Variants in PRKN observed in about 807,000 individuals in gnomAD.
PRKN encodes E3 ubiquitin-protein ligase parkin.
PRKN carries 56 observed loss-of-function variants against 59.5 expected under a neutral mutation model. That is an observed-to-expected ratio of 0.94 (90% CI 0.76 to 1.18). The LOEUF is 1.18. PRKN is among the 50% of genes most tolerant of loss of function. The pLI is 0.00. For missense variants in PRKN, 657 were observed against 596.4 expected (o/e 1.10, Z -1.06); for synonymous variants, 250 against 222.1 (o/e 1.13, Z -1.12).
intron 1 of PRKN, among the ~76,000 whole-genome samples, chr6:162,551,038 C>G (rs1256547037): frequency 6.6e-6 from 1 of 152,148 alleles, no homozygotes; most frequent in Non-Finnish European, 1.5e-5. Context: ...TATGTAATTT[C>G]AAGACCCTTC....
At chr6:162,651,653 A>G (rs1038577484) in intron 1 of PRKN, among the ~76,000 whole-genome samples, 3 of 152,168 alleles carry the variant, frequency 2.0e-5, no homozygotes, top group Non-Finnish European at 2.9e-5. Flanking sequence ...GCTCACACTG[A>G]CAAGATCCTC....
chr6:162,198,463 A>AAT (rs1583185954), intron 4 of PRKN, among the ~76,000 whole-genome samples: 1 of 151,580 alleles, frequency 6.6e-6, no homozygotes, highest in African/African-American at 2.4e-5. Context: ...AGTATATATA[A>AAT]ATATATATAC....
At chr6:162,179,501 C>T (rs1469518769) in intron 4 of PRKN, among the ~76,000 whole-genome samples, 1 of 152,132 alleles carries the variant, frequency 6.6e-6, no homozygotes, top group Admixed American at 6.5e-5. Flanking sequence ...TGGGGCCTTC[C>T]CCTTCAGCCT....
At chr6:162,384,417 G>A (rs924501084) in intron 2 of PRKN, among the ~76,000 whole-genome samples, 3 of 152,122 alleles carry the variant, frequency 2.0e-5, no homozygotes, top group African/African-American at 4.8e-5. Flanking sequence ...CAGTGGAGCA[G>A]TCAGAAGACA....
chr6:162,602,287 T>C (rs553388660), intron 1 of PRKN, among the ~76,000 whole-genome samples: 23 of 152,220 alleles, frequency 1.5e-4, no homozygotes, highest in South Asian at 8.3e-4. Context: ...GGTTGTGGGA[T>C]GGACAAGGCA....
chr6:161,866,511 C>T (rs2128225770), intron 6 of PRKN, among the ~76,000 whole-genome samples: 1 of 152,098 alleles, frequency 6.6e-6, no homozygotes, highest in East Asian at 2.0e-4. Context: ...GGAGGCGGAG[C>T]TTGCAGTGAG....
Position 161,447,364 on chromosome 6 carries a change from T to C in PRKN, c.1084-60487A>G, listed in dbSNP as rs1485091452. On this transcript the variant is annotated intron_variant, in intron 9 of 11. Coordinates refer to ENST00000366898, the MANE Select transcript of PRKN (RefSeq NM_004562.3). The surrounding 1 kb of genome is among the most constrained non-coding windows in gnomAD (Gnocchi z 4.1). ...CCAAACCTTTTCAGAACTGAACTCA[T>C]TAGAAATGAATTTACATTTTGATTT... 1.3e-5 allele frequency among the ~76,000 whole-genome samples: 2 copies of C among 152,246 alleles called. No homozygotes were observed. Among genetic ancestry groups the C allele is most frequent in the Non-Finnish European group, 2.9e-5 (2 of 68,040 alleles).
At chr6:161,894,006 C>T (rs114791814) in intron 6 of PRKN, among the ~76,000 whole-genome samples, 33 of 152,304 alleles carry the variant, frequency 2.2e-4, no homozygotes, top group African/African-American at 7.9e-4. Context: ...CATTCATTAT[C>T]GATCCTATTC....
intron 4 of PRKN, among the ~76,000 whole-genome samples, chr6:162,194,556 C>T (rs1396631357): frequency 5.3e-5 from 8 of 151,988 alleles, no homozygotes; most frequent in Non-Finnish European, 1.0e-4. Flanking sequence ...GAAATGGTTT[C>T]GATCAACCGT....
chr6:162,076,914 C>T (rs1052467214), intron 4 of PRKN, among the ~76,000 whole-genome samples: 4 of 152,090 alleles, frequency 2.6e-5, no homozygotes, highest in Non-Finnish European at 5.9e-5. Context: ...TTCAGGGGAA[C>T]AATTTTCTTC....
intron 9 of PRKN, among the ~76,000 whole-genome samples, chr6:161,469,670 G>A (rs2115188984): frequency 6.6e-6 from 1 of 152,184 alleles, no homozygotes; most frequent in South Asian, 2.1e-4. Flanking sequence ...AGGAATCCAG[G>A]CAGCCTCAAG....
chr6:161,779,440 C>CTTTTTTTTTTTTTTTTTTTTTTTTTTTT lies in PRKN; in HGVS notation c.871+6331_871+6332insAAAAAAAAAAAAAAAAAAAAAAAAAAAA, dbSNP rs10683923. On this transcript the variant is annotated intron_variant, in intron 7 of 11. Transcript: ENST00000366898. ...TTTTTTTCTCTTTTTCTTTTCTTTTCTTTTTTTTTTTTTTTTTTTTTTGAG... is the reference window on the plus strand; with the variant it reads ...TTTTTTTCTCTTTTTCTTTTCTTTTCTTTTTTTTTTTTTTTTTTTTTTTTTTTTTTTTTTTTTTTTTTTTTTTTTTGAG... Among the ~76,000 whole-genome samples the CTTTTTTTTTTTTTTTTTTTTTTTTTTTT allele has an allele frequency of 3.6e-4, 15 of 41,842 alleles. 3 individuals carry two copies. Among genetic ancestry groups the CTTTTTTTTTTTTTTTTTTTTTTTTTTTT allele is most frequent in the Admixed American group, 1.1e-3 (2 of 1,864 alleles). The allele number at this position is 41,842 out of a possible 152,430, so 27.4% of individuals were successfully genotyped here.
At chr6:162,193,732 TA>T (rs1784384162) in intron 4 of PRKN, among the ~76,000 whole-genome samples, 1 of 152,144 alleles carries the variant, frequency 6.6e-6, no homozygotes, top group Non-Finnish European at 1.5e-5. Context: ...CCAACTTACC[TA>T]ATCGTTTACT....
intron 4 of PRKN, among the ~76,000 whole-genome samples, chr6:162,069,908 A>G (rs1778502577): frequency 6.6e-6 from 1 of 152,210 alleles, no homozygotes; most frequent in African/African-American, 2.4e-5. Flanking sequence ...TACAGGACGC[A>G]AGAGAGGCAA....
intron 3 of PRKN, among the ~76,000 whole-genome samples, chr6:162,248,220 C>G (rs1279286834): frequency 6.6e-6 from 1 of 152,158 alleles, no homozygotes; most frequent in Non-Finnish European, 1.5e-5. Flanking sequence ...AAATCTGTTA[C>G]TAATCGAACA....
chr6:161,792,139 A>G (rs1248562511), intron 6 of PRKN, among the ~76,000 whole-genome samples: 1 of 152,212 alleles, frequency 6.6e-6, no homozygotes, highest in Non-Finnish European at 1.5e-5. Context: ...ACTGCATGAG[A>G]TACCCTGAGC....
chr6:162,099,976 C>T (rs935990672), intron 4 of PRKN, among the ~76,000 whole-genome samples: 1 of 152,218 alleles, frequency 6.6e-6, no homozygotes, highest in African/African-American at 2.4e-5. Context: ...CCCTCTACTT[C>T]TCAGATTTCA....
At chr6:161,834,998 C>T (rs1262928398) in intron 6 of PRKN, among the ~76,000 whole-genome samples, 2 of 152,146 alleles carry the variant, frequency 1.3e-5, no homozygotes, top group Admixed American at 6.6e-5. Flanking sequence ...AGAGCTTGGC[C>T]TATACTCACT....
chr6:161,657,495 T>G (rs1784393607), intron 7 of PRKN, among the ~76,000 whole-genome samples: 1 of 152,194 alleles, frequency 6.6e-6, no homozygotes, highest in Non-Finnish European at 1.5e-5. Flanking sequence ...TGGCCTTTCC[T>G]GATGCTCTAG....
Sources: gnomAD v4.1 joint callset for allele counts (sites outside exome capture counted in the v4.1 genomes callset) on GRCh38, gnomAD v4.1.1 for gene constraint, Gnocchi (gnomAD v3.1) non-coding constraint, MANE v1.5 for transcripts, NCBI Gene and HGNC (gene_info 2026-07-23, HGNC 2026-07-21) for gene names.